The following CCDC178 variants were observed in gnomAD, a reference collection of about 807,000 sequenced individuals.
CCDC178 encodes the protein coiled-coil domain containing 178, also known as coiled-coil domain-containing protein 178.
CCDC178 carries 126 observed loss-of-function variants against 117.4 expected under a neutral mutation model. The observed-to-expected ratio is 1.07, with a 90% CI of 0.93 to 1.24. CCDC178 has a LOEUF of 1.24. Among genes scored for constraint, CCDC178 ranks in the 50% most tolerant of loss-of-function variants. CCDC178 has a pLI of 0.00. For missense variants in CCDC178, 1,030 were observed against 986.9 expected (o/e 1.04, Z -0.59); for synonymous variants, 283 against 313.4 (o/e 0.90, Z 1.02).
chr18:33,060,877 G>A (rs929110672), intron 21 of CCDC178, among the ~76,000 whole-genome samples: 1 of 151,974 alleles, frequency 6.6e-6, no homozygotes, highest in Non-Finnish European at 1.5e-5. Context: ...AAGCAAGAAA[G>A]AACAAAATAT....
intron 20 of CCDC178, among the ~76,000 whole-genome samples, chr18:33,187,157 C>A (rs1396127038): frequency 6.6e-6 from 1 of 151,214 alleles, no homozygotes; most frequent in Non-Finnish European, 1.5e-5. Flanking sequence ...ACCATCAGAT[C>A]TCATAAGAAC....
At chr18:33,215,456 A>T in intron 19 of CCDC178, 94 bp downstream of exon 19, 1 of 764,666 alleles carries the variant, frequency 1.3e-6, no homozygotes, top group Non-Finnish European at 1.9e-6. Context: ...AAAAATACGA[A>T]CCATTTTAAG....
intron 10 of CCDC178, among the ~76,000 whole-genome samples, chr18:33,329,586 C>T (rs1029666095): frequency 1.3e-5 from 2 of 151,950 alleles, no homozygotes; most frequent in African/African-American, 2.4e-5. Flanking sequence ...TCATGTGGTA[C>T]ATTAAACTGA....
intron 16 of CCDC178, among the ~76,000 whole-genome samples, chr18:33,226,154 T>A (rs1007394326): frequency 6.6e-6 from 1 of 152,136 alleles, no homozygotes; most frequent in South Asian, 2.1e-4. Flanking sequence ...AGCAAGACTC[T>A]TTCTCAAAAA....
chr18:32,976,893 A>G (rs552231308), intron 21 of CCDC178, among the ~76,000 whole-genome samples: 1 of 152,260 alleles, frequency 6.6e-6, no homozygotes, highest in South Asian at 2.1e-4. Flanking sequence ...ACCTAAATAC[A>G]TTGTTTGCTG....
At position 33,348,888 on chromosome 18, in the gene CCDC178, A is replaced by G. The variant is rs140419270; in HGVS notation, c.457+2T>C. On this transcript the variant is annotated splice_donor_variant, in intron 8 of 22. Transcript: ENST00000383096. LOFTEE classifies it high-confidence loss of function. ...TTATTCAAGTAGGAGGAACAACTTTACCTCTCTTTTCTCCTGGTTTGACCT... is the reference window on the plus strand; with the variant it reads ...TTATTCAAGTAGGAGGAACAACTTTGCCTCTCTTTTCTCCTGGTTTGACCT... 2.7e-3 allele frequency: 4,235 copies of G among 1,594,390 alleles called. 13 individuals are homozygous for G. Among genetic ancestry groups the G allele is most frequent in the Middle Eastern group, 3.6e-3 (21 of 5,850 alleles).
At chr18:33,246,136 A>G (rs2059546199) in intron 14 of CCDC178, among the ~76,000 whole-genome samples, 1 of 151,966 alleles carries the variant, frequency 6.6e-6, no homozygotes, top group East Asian at 1.9e-4. Flanking sequence ...ATAATAATAT[A>G]CAATAAATCT....
intron 21 of CCDC178, among the ~76,000 whole-genome samples, chr18:33,065,985 C>G (rs2057008485): frequency 6.6e-6 from 1 of 151,788 alleles, no homozygotes; most frequent in Non-Finnish European, 1.5e-5. Flanking sequence ...CCTCAGCCCC[C>G]CGAGTAGCTG....
intron 22 of CCDC178, among the ~76,000 whole-genome samples, chr18:32,943,230 A>G (rs1253251073): frequency 6.6e-6 from 1 of 152,192 alleles, no homozygotes; most frequent in African/African-American, 2.4e-5. Flanking sequence ...TAACAAAGTG[A>G]TAGTTTAAAA....
chr18:32,993,843 C>A (rs1046538968), intron 21 of CCDC178, among the ~76,000 whole-genome samples: 1 of 152,028 alleles, frequency 6.6e-6, no homozygotes, highest in African/African-American at 2.4e-5. Flanking sequence ...AAATATAGGG[C>A]CTTTAATGAG....
intron 21 of CCDC178, among the ~76,000 whole-genome samples, chr18:33,038,063 C>A (rs1166580290): frequency 6.6e-6 from 1 of 151,828 alleles, no homozygotes; most frequent in Non-Finnish European, 1.5e-5. Flanking sequence ...ACACACCTCC[C>A]AGTTTTTTCA....
intron 14 of CCDC178, among the ~76,000 whole-genome samples, chr18:33,255,517 C>T (rs1384376727): frequency 6.6e-6 from 1 of 151,774 alleles, no homozygotes; most frequent in Admixed American, 6.6e-5. Flanking sequence ...AGTAAAGTAC[C>T]CATTGGAGAG....
chr18:33,254,860 C>T (rs1385113524), intron 14 of CCDC178, among the ~76,000 whole-genome samples: 1 of 151,910 alleles, frequency 6.6e-6, no homozygotes, highest in Admixed American at 6.6e-5. Context: ...ATAAGGATTG[C>T]TAGGGTTTGG....
At chr18:33,225,432 TTA>T (rs2059291407) in intron 16 of CCDC178, among the ~76,000 whole-genome samples, 2 of 152,166 alleles carry the variant, frequency 1.3e-5, no homozygotes, top group Admixed American at 1.3e-4. Flanking sequence ...AGTGCTGGGA[TTA>T]CAGGCGTGAG....
intron 21 of CCDC178, among the ~76,000 whole-genome samples, chr18:33,067,521 C>T (rs1013712346): frequency 3.3e-5 from 5 of 151,960 alleles, no homozygotes; most frequent in African/African-American, 7.3e-5. Flanking sequence ...TGAAGCATAC[C>T]TAAACAAAAT....
chr18:33,041,885 G>C (rs2056556756), intron 21 of CCDC178, among the ~76,000 whole-genome samples: 1 of 151,760 alleles, frequency 6.6e-6, no homozygotes, highest in Non-Finnish European at 1.5e-5. Context: ...TAATATTGGG[G>C]AATTCAGTAA....
At chr18:33,066,704 A>G (rs2057023143) in intron 21 of CCDC178, among the ~76,000 whole-genome samples, 1 of 152,198 alleles carries the variant, frequency 6.6e-6, no homozygotes, top group Non-Finnish European at 1.5e-5. Flanking sequence ...GAGTCGCTAT[A>G]CTTATATCAC....
chr18:33,346,795 TA>T (rs2062900716), intron 8 of CCDC178, among the ~76,000 whole-genome samples: 1 of 152,144 alleles, frequency 6.6e-6, no homozygotes, highest in Non-Finnish European at 1.5e-5. Flanking sequence ...TTATATCAGG[TA>T]AATACTGAAT....
At chr18:33,187,114 A>AGAGAGAGAGAGAGAGAGAGC (rs60923129) in intron 20 of CCDC178, among the ~76,000 whole-genome samples, 193 of 150,298 alleles carry the variant, frequency 1.3e-3, no homozygotes, top group African/African-American at 4.0e-3. Context: ...AGAGAGAGAG[A>AGAGAGAGAGAGAGAGAGAGC]GACTGAGAGA....
Sources: gnomAD v4.1 joint callset for allele counts (sites outside exome capture counted in the v4.1 genomes callset) on GRCh38, gnomAD v4.1.1 for gene constraint, MANE v1.5 for transcripts, NCBI Gene and HGNC (gene_info 2026-07-23, HGNC 2026-07-21) for gene names.